Variants in ZSCAN5A observed in about 807,000 individuals in gnomAD.
ZSCAN5A encodes the protein zinc finger and SCAN domain-containing protein 5A.
A neutral mutation model predicts 23.7 loss-of-function variants in ZSCAN5A; 12 were observed. The observed-to-expected ratio is 0.51, with a 90% confidence interval of 0.32 to 0.82. ZSCAN5A has a LOEUF of 0.82. Ranked by LOEUF, ZSCAN5A falls within the 40% of genes least tolerant of loss-of-function variation. ZSCAN5A has a pLI of 0.03. For missense variants in ZSCAN5A, 597 were observed against 617.9 expected, an observed-to-expected ratio of 0.97 and a Z score of 0.36; for synonymous variants, 257 against 239.9, an observed-to-expected ratio of 1.07 and a Z score of -0.66.
At chr19:56,301,664 G>A (rs1035072642) in intron 2 of ZSCAN5A, among the ~76,000 whole-genome samples, 14 of 152,244 alleles carry the variant, frequency 9.2e-5, no homozygotes, top group African/African-American at 3.4e-4. Context: ...TCAAGACGGA[G>A]TCACTCTGGT....
intron 2 of ZSCAN5A, among the ~76,000 whole-genome samples, chr19:56,288,942 G>A (rs564843797): frequency 5.3e-5 from 8 of 152,268 alleles, no homozygotes; most frequent in African/African-American, 1.7e-4. Flanking sequence ...CATAACCACC[G>A]CTGGGCCTTC....
chr19:56,226,481 C>G (rs916890321), intron 2 of ZSCAN5A, among the ~76,000 whole-genome samples: 12 of 151,880 alleles, frequency 7.9e-5, no homozygotes, highest in African/African-American at 2.9e-4. Flanking sequence ...CTCATTATCA[C>G]TCATCATCAG....
chr19:56,366,355 G>A (rs927577078), intron 1 of ZSCAN5A, among the ~76,000 whole-genome samples: 3 of 151,346 alleles, frequency 2.0e-5, no homozygotes, highest in South Asian at 2.1e-4. Context: ...GGCAGGAGGC[G>A]GAGCTTGCAG....
intron 2 of ZSCAN5A, among the ~76,000 whole-genome samples, chr19:56,312,847 T>C (rs1452916293): frequency 1.3e-5 from 2 of 152,252 alleles, no homozygotes; most frequent in Admixed American, 6.5e-5. Context: ...TAAATGGGGA[T>C]GTAGACTGCA....
intron 2 of ZSCAN5A, among the ~76,000 whole-genome samples, chr19:56,327,061 ATT>A (rs74177182): frequency 1.6e-4 from 23 of 147,778 alleles, no homozygotes; most frequent in South Asian, 1.1e-3. Context: ...AGCTACAGTG[ATT>A]TTTTTTTTTT....
chr19:56,305,610 A>G (rs974454596), intron 2 of ZSCAN5A, among the ~76,000 whole-genome samples: 3 of 152,332 alleles, frequency 2.0e-5, no homozygotes, highest in African/African-American at 2.4e-5. Context: ...GCTAGGTCAT[A>G]TGATAATTCT....
At chr19:56,322,276 A>C in intron 2 of ZSCAN5A, 2 of 1,137,532 alleles carry the variant, frequency 1.8e-6, no homozygotes, top group Admixed American at 3.4e-5. Flanking sequence ...CTCCTTCAAC[A>C]AGAATTGTCC....
In ZSCAN5A at chr19:56,225,187, G is replaced by T; in HGVS notation, c.-127-14C>A. 1 of 1,370,392 alleles carries T rather than the reference G, an allele frequency of 7.3e-7. No individual in the cohort carries two copies. Among genetic ancestry groups the T allele is most frequent in the Non-Finnish European group, 9.5e-7 (1 of 1,047,204 alleles). 84.9% of individuals were successfully genotyped at this position (1,370,392 alleles called of 1,614,324 possible). On this transcript the variant is annotated splice_polypyrimidine_tract_variant and intron_variant, in intron 2 of 5. Coordinates refer to ENST00000683990, the MANE Select transcript of ZSCAN5A (RefSeq NM_001322064.3). Reference sequence around the variant, plus strand: ...TCATTCAGAAGTCTGGGGGGGAAAAGTATGAGCCTCATTAGTTTAAGTTAC... The same window carrying T: ...TCATTCAGAAGTCTGGGGGGGAAAATTATGAGCCTCATTAGTTTAAGTTAC...
intron 2 of ZSCAN5A, 168 bp from the exon 3 acceptor site, chr19:56,225,341 G>C (rs1229533399): frequency 4.8e-6 from 2 of 417,652 alleles, no homozygotes; most frequent in South Asian, 8.4e-5. Context: ...AAATCTTAAT[G>C]ACCCCTGGAT....
intron 2 of ZSCAN5A, among the ~76,000 whole-genome samples, chr19:56,226,017 A>C (rs2033898057): frequency 6.6e-6 from 1 of 152,092 alleles, no homozygotes; most frequent in African/African-American, 2.4e-5. Context: ...TTAATTCCTA[A>C]ACCTAGCTTC....
intron 2 of ZSCAN5A, chr19:56,246,514 G>C: frequency 1.5e-6 from 1 of 661,256 alleles, no homozygotes; most frequent in South Asian, 1.9e-5. Context: ...TCTCTTCTGG[G>C]GTGTGGGGCT....
intron 2 of ZSCAN5A, among the ~76,000 whole-genome samples, chr19:56,247,926 G>A (rs1001734187): frequency 6.6e-6 from 1 of 152,158 alleles, no homozygotes; most frequent in South Asian, 2.1e-4. Context: ...TCCTGACCTC[G>A]TGATCCGCCC....
rs1221600472 is a variant in ZSCAN5A at position 56,344,676 on chromosome 19, G to A, written c.-358+18559C>T. On this transcript the variant is annotated intron_variant, in intron 2 of 6. Transcript: ENST00000587340. ...CCCAGCACTTTGGGAGGCCGAGGCG[G>A]GTGGATCATGAGGTCAGGAGATCGA... Among the ~76,000 whole-genome samples, 64 of 151,668 alleles carry A rather than the reference G, an allele frequency of 4.2e-4. No individual in the cohort carries two copies. The Middle Eastern group carries it at 0.01, about 24-fold the overall frequency.
At chr19:56,249,575 T>C (rs1314423964) in intron 2 of ZSCAN5A, among the ~76,000 whole-genome samples, 1 of 152,238 alleles carries the variant, frequency 6.6e-6, no homozygotes, top group African/African-American at 2.4e-5. Context: ...TACCTGGCCT[T>C]AGATTTCATC....
chr19:56,332,490 TTTG>T (rs1226204584), intron 2 of ZSCAN5A, among the ~76,000 whole-genome samples: 1 of 152,242 alleles, frequency 6.6e-6, no homozygotes, highest in Non-Finnish European at 1.5e-5. Context: ...CCTGCTCTTT[TTTG>T]TTTTCCATTT....
At chr19:56,263,726 C>T (rs1165337545) in intron 2 of ZSCAN5A, 1 of 152,060 alleles carries the variant, frequency 6.6e-6, no homozygotes, top group Non-Finnish European at 1.5e-5. Context: ...TGCATTTAAA[C>T]AAAGACAAGG....
At chr19:56,355,143 T>C (rs1369427781) in intron 2 of ZSCAN5A, among the ~76,000 whole-genome samples, 1 of 124,710 alleles carries the variant, frequency 8.0e-6, no homozygotes, top group African/African-American at 3.3e-5. Context: ...TTGTTCCCAA[T>C]TGACAGCTCC....
At chr19:56,304,838 A>G (rs2040578608) in intron 2 of ZSCAN5A, 2 of 982,678 alleles carry the variant, frequency 2.0e-6, no homozygotes, top group South Asian at 4.7e-5. Context: ...CAGGTATGCT[A>G]TGGCAGGGAA....
At chr19:56,262,418 T>G (rs897464833) in intron 2 of ZSCAN5A, among the ~76,000 whole-genome samples, 21 of 151,736 alleles carry the variant, frequency 1.4e-4, no homozygotes, top group Admixed American at 3.9e-4. Context: ...AATTTTTTTT[T>G]TTTTGTTTTT....
Sources: gnomAD v4.1 joint callset for allele counts (sites outside exome capture counted in the v4.1 genomes callset) on GRCh38, gnomAD v4.1.1 for gene constraint, MANE v1.5 for transcripts, NCBI Gene and HGNC (gene_info 2026-07-23, HGNC 2026-07-21) for gene names.